MYO16: variants seen among roughly 807,000 people sequenced by gnomAD.
MYO16 encodes unconventional myosin-XVI.
Under a neutral mutation model 205.3 loss-of-function variants are expected in MYO16, and 94 were observed. That is an observed-to-expected ratio of 0.46 (90% CI 0.39 to 0.54). MYO16 has a LOEUF of 0.54. Among genes scored for constraint, MYO16 ranks in the 20% least tolerant of loss-of-function variants. MYO16 has a pLI of 0.00. For missense variants in MYO16, 2,315 were observed against 2,387.5 expected (o/e 0.97, Z 0.63); for synonymous variants, 988 against 954.0 (o/e 1.04, Z -0.66).
Position 109,131,543 on chromosome 13 carries a change from C to CT in MYO16, c.4051+3996dup, listed in dbSNP as rs538029683. Among the ~76,000 whole-genome samples the CT allele has an allele frequency of 1.5e-3, 229 of 152,042 alleles. 1 individual carries two copies. The highest frequency in any genetic ancestry group is 5.2e-3 in the African/African-American group (217 of 41,454). On this transcript the variant is annotated intron_variant, in intron 31 of 34. Transcript: ENST00000457511. ...AGAGACAACTTTTTTTTTTATTATACTTTAAGTTTTAGGGTACATGTGCAC... is the reference window on the plus strand; with the variant it reads ...AGAGACAACTTTTTTTTTTATTATACTTTTAAGTTTTAGGGTACATGTGCAC...
upstream of MYO16, among the ~76,000 whole-genome samples, chr13:108,624,784 A>AGTGTGTGTGT (rs6145237): frequency 2.2e-5 from 2 of 90,754 alleles, no homozygotes; most frequent in African/African-American, 6.6e-5. Flanking sequence ...ATATAGCCTG[A>AGTGTGTGTGT]GTGTGTGTGT....
chr13:109,205,556 AGTAT>A (rs1880563458), intron 34 of MYO16, among the ~76,000 whole-genome samples: 1 of 152,200 alleles, frequency 6.6e-6, no homozygotes, highest in Non-Finnish European at 1.5e-5. Flanking sequence ...AATTCTCCCC[AGTAT>A]TCCTATTCGG....
chr13:108,580,873 A>C, the MYO16 span, among the ~76,000 whole-genome samples: 57 of 152,382 alleles, frequency 3.7e-4, no homozygotes, highest in African/African-American at 1.3e-3. Flanking sequence ...TTAGCAATTC[A>C]GAAAATAACA....
intron 4 of MYO16, among the ~76,000 whole-genome samples, chr13:108,752,525 G>A (rs1885268894): frequency 6.6e-6 from 1 of 152,148 alleles, no homozygotes; most frequent in Non-Finnish European, 1.5e-5. Context: ...AATCCTAAGA[G>A]ACATTTCATT....
In MYO16 at chr13:109,019,902, C is replaced by G. The variant is rs751174402; in HGVS notation, c.2787C>G (p.Tyr929Ter). 1 of 1,613,998 alleles carries G rather than the reference C, an allele frequency of 6.2e-7. No homozygotes were observed. The highest frequency in any genetic ancestry group is 1.7e-5 in the Admixed American group (1 of 59,994). The change falls in exon 23 of 35, where the codon TAC becomes TAG. Residue 929 changes from tyrosine (Y) to a stop codon, truncating the protein, a stop_gained. Transcript: ENST00000457511. LOFTEE classifies it high-confidence loss of function. ...DHGTAFTIMH[Y>*]AGRVMYDVVG... is the part of the protein sequence containing the mutation. Reference sequence around the variant, plus strand: ...GTACAGCCTTCACCATCATGCACTACGCAGGAAGGGTAAGTGGCCAGAACT... The same window carrying G: ...GTACAGCCTTCACCATCATGCACTAGGCAGGAAGGGTAAGTGGCCAGAACT...
At chr13:109,170,124 GA>G (rs1878865628) in intron 33 of MYO16, among the ~76,000 whole-genome samples, 1 of 2,688 alleles carries the variant, frequency 3.7e-4, no homozygotes, top group East Asian at 0.013. Context: ...TAACCATAAA[GA>G]AAAAAGAAAA....
intron 33 of MYO16, among the ~76,000 whole-genome samples, chr13:109,173,772 G>A (rs1879018171): frequency 6.6e-6 from 1 of 151,618 alleles, no homozygotes; most frequent in Non-Finnish European, 1.5e-5. Flanking sequence ...GTGGGCGCCT[G>A]TAGTCCCAGC....
At chr13:108,875,049 A>T (rs1366645770) in intron 12 of MYO16, among the ~76,000 whole-genome samples, 1 of 152,176 alleles carries the variant, frequency 6.6e-6, no homozygotes, top group Non-Finnish European at 1.5e-5. Flanking sequence ...TATAATGACC[A>T]GTGAAGAAAA....
At chr13:108,676,109 G>A (rs1023629296) in intron 2 of MYO16, among the ~76,000 whole-genome samples, 1 of 152,128 alleles carries the variant, frequency 6.6e-6, no homozygotes, top group Non-Finnish European at 1.5e-5. Flanking sequence ...TATAATCAGT[G>A]ATCGTCACCG....
intron 7 of MYO16, among the ~76,000 whole-genome samples, chr13:108,817,220 T>C (rs374264111): frequency 2.0e-5 from 3 of 152,160 alleles, no homozygotes; most frequent in East Asian, 3.9e-4. Context: ...AAAAACTACA[T>C]TGACTGAAAT....
chr13:108,753,816 C>T (rs1307195161), intron 4 of MYO16, among the ~76,000 whole-genome samples: 3 of 152,164 alleles, frequency 2.0e-5, no homozygotes, highest in Non-Finnish European at 4.4e-5. Context: ...AAGTAGGAGT[C>T]AGCACCTTTC....
At chr13:109,071,581 C>T (rs1489996508) in intron 27 of MYO16, among the ~76,000 whole-genome samples, 1 of 152,134 alleles carries the variant, frequency 6.6e-6, no homozygotes, top group South Asian at 2.1e-4. Flanking sequence ...AAATTATGTT[C>T]TCTGTTTTGA....
At position 108,727,565 on chromosome 13, in the gene MYO16, T is replaced by C. The variant is rs533049291; in HGVS notation, c.489T>C (p.Ile163=). 1.2e-6 allele frequency: 2 copies of C among 1,611,500 alleles called. No homozygotes were observed. Among genetic ancestry groups the C allele is most frequent in the South Asian group, 2.2e-5 (2 of 90,214 alleles). Reference sequence around the variant, plus strand: ...CCTGTGCCTGCGATAACCCTGATATTGTCCTGCTTCTTGTATTAGTAAGTA... The same window carrying C: ...CCTGTGCCTGCGATAACCCTGATATCGTCCTGCTTCTTGTATTAGTAAGTA... ...HIACACDNPD[I]VLLLVLAGAN... Residue 163 remains isoleucine (I), a synonymous_variant, in exon 4 of 35, where the codon ATT becomes ATC. Coordinates refer to ENST00000457511, the MANE Select transcript of MYO16 (RefSeq NM_001198950.3).
chr13:109,193,685 T>G (rs1880024044), intron 34 of MYO16, among the ~76,000 whole-genome samples: 1 of 152,142 alleles, frequency 6.6e-6, no homozygotes, highest in Non-Finnish European at 1.5e-5. Context: ...TTGAGTCCTC[T>G]CTCCTCTGAA....
chr13:108,572,792 A>G, the MYO16 span, among the ~76,000 whole-genome samples: 1 of 152,194 alleles, frequency 6.6e-6, no homozygotes, highest in Non-Finnish European at 1.5e-5. Flanking sequence ...AAATACCGTT[A>G]AATTAAATGG....
In MYO16 at chr13:108,820,390, C is replaced by T. The variant is rs776918442; in HGVS notation, c.921C>T (p.Asn307=). 7.5e-6 allele frequency: 12 copies of T among 1,607,128 alleles called. No individual in the cohort carries two copies. Among genetic ancestry groups the T allele is most frequent in the East Asian group, 2.3e-5 (1 of 44,238 alleles). The change falls in exon 8 of 35, where the codon AAC becomes AAT. Residue 307 remains asparagine, a synonymous_variant. Transcript: ENST00000457511. ...LMHQANPHLV[N]CNEEKASDIA... The stretch of plus-strand genomic sequence containing the variant: ...ATCAGGCAAACCCACACCTCGTGAA[C>T]TGTAATGAGGAGAAGGCGTCAGGTA...
At chr13:109,089,196 T>G (rs1288454103) in intron 27 of MYO16, among the ~76,000 whole-genome samples, 1 of 150,778 alleles carries the variant, frequency 6.6e-6, no homozygotes, top group Non-Finnish European at 1.5e-5. Flanking sequence ...TGCATTATTA[T>G]TATTATTATT....
intron 27 of MYO16, among the ~76,000 whole-genome samples, chr13:109,088,589 G>C (rs1236740786): frequency 6.6e-6 from 1 of 152,038 alleles, no homozygotes; most frequent in Non-Finnish European, 1.5e-5. Context: ...TGTCTGGGAG[G>C]AGAGACCCCC....
intron 12 of MYO16, among the ~76,000 whole-genome samples, chr13:108,872,765 CATAAA>C (rs1879130973): frequency 1.3e-5 from 2 of 151,820 alleles, no homozygotes; most frequent in Admixed American, 1.3e-4. Flanking sequence ...TTCTAAATGT[CATAAA>C]ATAAAAATGG....
Sources: allele counts gnomAD v4.1 joint callset (sites outside exome capture counted in the v4.1 genomes callset), GRCh38; gene constraint gnomAD v4.1.1; transcripts MANE v1.5; gene names NCBI Gene and HGNC (gene_info 2026-07-23, HGNC 2026-07-21).